RD3L: variants seen among roughly 807,000 people sequenced by gnomAD.
RD3L encodes RD3 like, also known as protein RD3-like.
In RD3L, 6 loss-of-function variants were observed where a neutral mutation model predicts 12.5. That is an observed-to-expected ratio of 0.48 (90% CI 0.26 to 0.95). The LOEUF (loss-of-function observed/expected upper bound fraction) is 0.95. RD3L is among the 40% of genes least tolerant of loss of function. RD3L has a pLI of 0.14. For synonymous variants in RD3L, 87 were observed against 79.3 expected, an observed-to-expected ratio of 1.10 and a Z score of -0.52; for missense variants, 234 against 228.6, an observed-to-expected ratio of 1.02 and a Z score of -0.15.
chr14:103,941,355 C>A, intron 2 of RD3L, 42 bp downstream of exon 2: 1 of 1,413,430 alleles, frequency 7.1e-7, no homozygotes, highest in Non-Finnish European at 9.5e-7. Flanking sequence ...GGAACTTGGA[C>A]TTAGCAGTAG....
Position 103,940,565 on chromosome 14 carries a change from A to C in RD3L, c.*241T>G, listed in dbSNP as rs1025362264. On this transcript the variant is annotated 3_prime_UTR_variant, in exon 3 of 3. Coordinates refer to ENST00000557640, the MANE Select transcript of RD3L (RefSeq NM_001257268.2). ...TTCCTGTGAGGTGGGTTTGAGGTAT[A>C]AGAAAATACTGCAAACATTTTTTCA... 7.8e-6 allele frequency: 3 copies of C among 383,248 alleles called. No individual in the cohort carries two copies. The highest frequency in any genetic ancestry group is 1.4e-5 in the Non-Finnish European group (3 of 213,712). 23.7% of individuals were successfully genotyped at this position (383,248 alleles called of 1,614,324 possible).
chr14:103,941,578 C>T lies in RD3L; in HGVS notation c.118G>A (p.Glu40Lys). 1.3e-6 allele frequency: 2 copies of T among 1,535,230 alleles called. No homozygotes were observed. Among genetic ancestry groups the T allele is most frequent in the Non-Finnish European group, 1.7e-6 (2 of 1,146,634 alleles). Residue 40 changes from glutamate (E) to lysine (K), a missense_variant, in exon 2 of 3, where the codon GAG becomes AAG. Transcript: ENST00000557640. Reference protein sequence around the residue: ...LLRELKWHLKERERLIQEIEN... With the variant: ...LLRELKWHLKKRERLIQEIEN... ...ATTTCTTGTATTAATCTCTCTCGCTCCTTTAGGTGCCATTTTAATTCCCGA... is the reference window on the plus strand; with the variant it reads ...ATTTCTTGTATTAATCTCTCTCGCTTCTTTAGGTGCCATTTTAATTCCCGA...
Position 103,941,225 on chromosome 14 carries a change from T to C in RD3L, c.300-122A>G, listed in dbSNP as rs866929465. 4 of 998,782 alleles carry C rather than the reference T, an allele frequency of 4.0e-6. No individual in the cohort carries two copies. The South Asian group carries it at 5.3e-5, about 13-fold the overall frequency. 61.9% of individuals were successfully genotyped at this position (998,782 alleles called of 1,614,324 possible). A position where few individuals can be genotyped will look rare whatever the true frequency, so the allele number is the denominator to read the frequency against. On this transcript the variant is annotated intron_variant, in intron 2 of 2. Transcript: ENST00000557640. ...CACCTTTTGAGTATTTTGCATGTTG[T>C]TTTAAAATTATGCTTCTAGTAAAGA...
At position 103,940,913 on chromosome 14, in the gene RD3L, C is replaced by T; in HGVS notation, c.490G>A (p.Asp164Asn). 1 of 1,535,398 alleles carries T rather than the reference C, an allele frequency of 6.5e-7. No homozygotes were observed. Among genetic ancestry groups the T allele is most frequent in the Non-Finnish European group, 8.7e-7 (1 of 1,146,696 alleles). The change falls in exon 3 of 3, where the codon GAT (aspartate) becomes AAT (asparagine). Residue 164 changes from aspartate (D) to asparagine (N), a missense_variant. Physicochemically the swap from Asp to Asn is conservative, Grantham distance 23. Coordinates refer to ENST00000557640, the MANE Select transcript of RD3L (RefSeq NM_001257268.2). ...QGDSSKRADK[D>N]EIPTISSYVD... is the part of the protein sequence containing the mutation. ...TAACTGGAAATGGTGGGTATTTCAT[C>T]TTTGTCTGCCCTCTTGGAGCTGTCA... is the stretch of plus-strand genomic sequence containing the variant.
At chr14:103,941,258 A>G in intron 2 of RD3L, 139 bp downstream of exon 2, 1 of 945,082 alleles carries the variant, frequency 1.1e-6, no homozygotes, top group Non-Finnish European at 1.5e-6. Context: ...AGAAATTTTA[A>G]ATGTAATTTA....
rs2031169533 is a variant in RD3L, at chr14:103,940,712, T to C, written c.*94A>G. On this transcript the variant is annotated 3_prime_UTR_variant, in exon 3 of 3. Coordinates refer to ENST00000557640, the MANE Select transcript of RD3L (RefSeq NM_001257268.2). Reference sequence around the variant, plus strand: ...CTACATCCACAGGATACTGACCTTGTAACAAAGAAAAACTTGAAGTCACAT... The same window carrying C: ...CTACATCCACAGGATACTGACCTTGCAACAAAGAAAAACTTGAAGTCACAT... 5 of 828,294 alleles carry C rather than the reference T, an allele frequency of 6.0e-6. No individual in the cohort carries two copies. The allele number at this position is 828,294 out of a possible 1,614,324, so 51.3% of individuals were successfully genotyped here.
chr14:103,941,566 A>T lies in RD3L; in HGVS notation c.130T>A (p.Leu44Ile), dbSNP rs17101950. 0.026 allele frequency: 40,099 copies of T among 1,535,048 alleles called. 692 individuals are homozygous for T. The highest frequency in any genetic ancestry group is 0.063 in the East Asian group (2,573 of 40,892). The change falls in exon 2 of 3, where the codon TTA becomes ATA. Residue 44 changes from leucine to isoleucine, a missense_variant. Transcript: ENST00000557640. ...LKWHLKERER[L>I]IQEIENEQKV... ...TGTTCATTTTCGATTTCTTGTATTA[A>T]TCTCTCTCGCTCCTTTAGGTGCCAT...
chr14:103,941,663 T>G lies in RD3L; in HGVS notation c.33A>C (p.Lys11Asn). The G allele has an allele frequency of 2.0e-6, 3 of 1,527,008 alleles. No individual in the cohort carries two copies. The highest frequency in any genetic ancestry group is 3.4e-4 in the Middle Eastern group (2 of 5,958). The allele number at this position is 1,527,008 out of a possible 1,614,324, so 94.6% of individuals were successfully genotyped here. Residue 11 changes from lysine (K) to asparagine (N), a missense_variant, in exon 2 of 3, where the codon AAA (lysine) becomes AAC (asparagine). Coordinates refer to ENST00000557640, the MANE Select transcript of RD3L (RefSeq NM_001257268.2). The stretch of plus-strand genomic sequence containing the variant: ...AGTGTGTGGGTTTGTAGGAATCGTT[T>G]TTGGGCCATTTCATCCAGCCAAAAA... MPLFGWMKWP[K>N]NDSYKPTHYP...
chr14:103,941,568 C>G lies in RD3L; in HGVS notation c.128G>C (p.Arg43Thr). The change falls in exon 2 of 3, where the codon AGA becomes ACA. Residue 43 changes from arginine (R) to threonine (T), a missense_variant. Transcript: ENST00000557640. ...TTCATTTTCGATTTCTTGTATTAAT[C>G]TCTCTCGCTCCTTTAGGTGCCATTT... ...ELKWHLKERE[R>T]LIQEIENEQK... is the part of the protein sequence containing the mutation. 1.3e-6 allele frequency: 2 copies of G among 1,535,232 alleles called. No homozygotes were observed.
At position 103,940,624 on chromosome 14, in the gene RD3L, C is replaced by T; in HGVS notation, c.*182G>A. 1 of 497,212 alleles carries T rather than the reference C, an allele frequency of 2.0e-6. No homozygotes were observed. Among genetic ancestry groups the T allele is most frequent in the Middle Eastern group, 5.1e-4 (1 of 1,954 alleles). 30.8% of individuals were successfully genotyped at this position (497,212 alleles called of 1,614,324 possible). A position where few individuals can be genotyped will look rare whatever the true frequency, so the allele number is the denominator to read the frequency against. The stretch of plus-strand genomic sequence containing the variant: ...AGGAAACATTTTAGTTAAAAGCATA[C>T]TATTCAATGAAAACATAGCATGTTT... On this transcript the variant is annotated 3_prime_UTR_variant, in exon 3 of 3. Coordinates refer to ENST00000557640, the MANE Select transcript of RD3L (RefSeq NM_001257268.2).
In RD3L at chr14:103,940,797, G is replaced by A; in HGVS notation, c.*9C>T. ...GGTGTTCATAAAAACCCCTCTAGTT[G>A]TAAGTAACTTAACTAGATGGGTGAT... On this transcript the variant is annotated 3_prime_UTR_variant, in exon 3 of 3. Transcript: ENST00000557640. 6.9e-7 allele frequency: 1 copy of A among 1,439,970 alleles called. No homozygotes were observed. Among genetic ancestry groups the A allele is most frequent in the Non-Finnish European group, 9.3e-7 (1 of 1,076,218 alleles). 89.2% of individuals were successfully genotyped at this position (1,439,970 alleles called of 1,614,324 possible).
In RD3L at chr14:103,940,514, C is replaced by G. The variant is rs771993983; in HGVS notation, c.*292G>C. ...TATCTAAGTTTTGTACAGAATTTGT[C>G]AGACTTCATACTAAAGTTGCTTTAG... On this transcript the variant is annotated 3_prime_UTR_variant, in exon 3 of 3. Coordinates refer to ENST00000557640, the MANE Select transcript of RD3L (RefSeq NM_001257268.2). The G allele has an allele frequency of 3.9e-6, 1 of 257,266 alleles. No individual in the cohort carries two copies. Among genetic ancestry groups the G allele is most frequent in the African/African-American group, 2.2e-5 (1 of 45,102 alleles). The allele number at this position is 257,266 out of a possible 1,614,324, so 15.9% of individuals were successfully genotyped here. A position where few individuals can be genotyped will look rare whatever the true frequency, so the allele number is the denominator to read the frequency against.
chr14:103,941,125 A>G, intron 2 of RD3L, 22 bp from the exon 3 acceptor site: 8 of 1,517,244 alleles, frequency 5.3e-6, no homozygotes, highest in Non-Finnish European at 7.1e-6. Context: ...ATGGTAATGA[A>G]TATTCAGTTT....
Position 103,940,543 on chromosome 14 carries a change from C to A in RD3L, c.*263G>T. 1 of 309,950 alleles carries A rather than the reference C, an allele frequency of 3.2e-6. No individual in the cohort carries two copies. The highest frequency in any genetic ancestry group is 5.9e-6 in the Non-Finnish European group (1 of 168,726). 19.2% of individuals were successfully genotyped at this position (309,950 alleles called of 1,614,324 possible). A position where few individuals can be genotyped will look rare whatever the true frequency, so the allele number is the denominator to read the frequency against. On this transcript the variant is annotated 3_prime_UTR_variant, in exon 3 of 3. Coordinates refer to ENST00000557640, the MANE Select transcript of RD3L (RefSeq NM_001257268.2). ...CTTCATACTAAAGTTGCTTTAGTTC[C>A]TGTGAGGTGGGTTTGAGGTATAAGA...
chr14:103,940,912 T>A lies in RD3L; in HGVS notation c.491A>T (p.Asp164Val). The A allele has an allele frequency of 6.5e-7, 1 of 1,535,412 alleles. No individual in the cohort carries two copies. The highest frequency in any genetic ancestry group is 8.7e-7 in the Non-Finnish European group (1 of 1,146,694). ...QGDSSKRADKDEIPTISSYVD... is the reference protein window; with the variant it reads ...QGDSSKRADKVEIPTISSYVD... ...GTAACTGGAAATGGTGGGTATTTCATCTTTGTCTGCCCTCTTGGAGCTGTC... is the reference window on the plus strand; with the variant it reads ...GTAACTGGAAATGGTGGGTATTTCAACTTTGTCTGCCCTCTTGGAGCTGTC... Residue 164 changes from aspartate to valine, a missense_variant, in exon 3 of 3, where the codon GAT becomes GTT. Transcript: ENST00000557640.
rs138049411 is a variant in RD3L at position 103,942,508 on chromosome 14, G to A, written c.-424C>T. 7.9e-5 allele frequency among the ~76,000 whole-genome samples: 12 copies of A among 152,334 alleles called. No individual in the cohort carries two copies. The highest frequency in any genetic ancestry group is 7.7e-4 in the East Asian group (4 of 5,190). On this transcript the variant is annotated 5_prime_UTR_variant, in exon 1 of 3. Coordinates refer to ENST00000557640, the MANE Select transcript of RD3L (RefSeq NM_001257268.2). ...TGGTCGTCTAAAGCACCATAGATGC[G>A]CTCCGAGCTAGAGTGAAGACTGTCG...
At chr14:103,941,186 G>A (rs1338127327) in intron 2 of RD3L, 83 bp from the exon 3 acceptor site, 8 of 1,128,576 alleles carry the variant, frequency 7.1e-6, no homozygotes, top group South Asian at 1.6e-5. Flanking sequence ...CTTGAATAAT[G>A]TATACAAGTT....
Position 103,942,457 on chromosome 14 carries a change from C to T in RD3L, c.-373G>A, listed in dbSNP as rs1030187876. On this transcript the variant is annotated 5_prime_UTR_variant, in exon 1 of 3. An upstream start codon of the reference 5' UTR is lost. Transcript: ENST00000557640. Reference sequence around the variant, plus strand: ...GATGCTGGTCCTAAATGCATTCCGACATGTCTTTGGTAGTGAAACGAAGAA... The same window carrying T: ...GATGCTGGTCCTAAATGCATTCCGATATGTCTTTGGTAGTGAAACGAAGAA... 1 of 152,192 alleles carries T rather than the reference C, an allele frequency of 6.6e-6. No individual in the cohort carries two copies. The highest frequency in any genetic ancestry group is 6.5e-5 in the Admixed American group (1 of 15,284). The allele number at this position is 152,192 out of a possible 1,614,324, so 9.4% of individuals were successfully genotyped here.
At position 103,941,646 on chromosome 14, in the gene RD3L, G is replaced by C; in HGVS notation, c.50C>G (p.Pro17Arg). The C allele has an allele frequency of 6.5e-7, 1 of 1,532,708 alleles. No homozygotes were observed. The highest frequency in any genetic ancestry group is 8.7e-7 in the Non-Finnish European group (1 of 1,145,830). The allele number at this position is 1,532,708 out of a possible 1,614,324, so 94.9% of individuals were successfully genotyped here. A position where few individuals can be genotyped will look rare whatever the true frequency, so the allele number is the denominator to read the frequency against. ...TATGTCTGAGCCAGGATAGTGTGTG[G>C]GTTTGTAGGAATCGTTTTTGGGCCA... is the stretch of plus-strand genomic sequence containing the variant. ...MKWPKNDSYK[P>R]THYPGSDIVT... Residue 17 changes from proline to arginine, a missense_variant, in exon 2 of 3, where the codon CCC becomes CGC. Transcript: ENST00000557640.
Sources: gnomAD v4.1 joint callset for allele counts (sites outside exome capture counted in the v4.1 genomes callset) on GRCh38, gnomAD v4.1.1 for gene constraint, MANE v1.5 for transcripts, NCBI Gene and HGNC (gene_info 2026-07-23, HGNC 2026-07-21) for gene names.